PEX1: variants seen among roughly 807,000 people sequenced by gnomAD.
The protein encoded by PEX1 is peroxisomal biogenesis factor 1, also known as peroxisomal ATPase PEX1.
Under a neutral mutation model 152.5 loss-of-function variants are expected in PEX1, and 97 were observed. The observed-to-expected ratio is 0.64, with a 90% CI of 0.54 to 0.75. The LOEUF (loss-of-function observed/expected upper bound fraction) is 0.75, where lower values mean the gene tolerates loss of function less well. PEX1 is among the 30% of genes least tolerant of loss of function. The pLI is 0.00. For synonymous variants in PEX1, 485 were observed against 531.6 expected (o/e 0.91, Z 1.21); for missense variants, 1,357 against 1,516.3 (o/e 0.89, Z 1.74).
intron 2 of PEX1, among the ~76,000 whole-genome samples, chr7:92,519,518 C>T (rs960081004): frequency 1.3e-5 from 2 of 152,138 alleles, no homozygotes; most frequent in African/African-American, 4.8e-5. Flanking sequence ...CTCAGCATGA[C>T]ATGTTTTTCA....
At chr7:92,490,109 A>C in intron 21 of PEX1, 198 bp from the exon 22 acceptor site, 1 of 598,948 alleles carries the variant, frequency 1.7e-6, no homozygotes, top group South Asian at 2.0e-5. Flanking sequence ...TGTGTTATAG[A>C]ACCACCATCA....
At chr7:92,500,863 C>T (rs1562853004) in intron 15 of PEX1, among the ~76,000 whole-genome samples, 1 of 152,200 alleles carries the variant, frequency 6.6e-6, no homozygotes, top group Non-Finnish European at 1.5e-5. Flanking sequence ...CCTGCCAAGT[C>T]TGCTTTTCAA....
intron 1 of PEX1, 98 bp from the exon 2 acceptor site, chr7:92,522,343 G>T: frequency 8.6e-7 from 1 of 1,158,446 alleles, no homozygotes; most frequent in East Asian, 2.4e-5. Context: ...TGTCCAAAAA[G>T]AGTTCTATAG....
intron 12 of PEX1, among the ~76,000 whole-genome samples, chr7:92,503,589 C>T (rs908508783): frequency 6.6e-6 from 1 of 152,108 alleles, no homozygotes; most frequent in African/African-American, 2.4e-5. Flanking sequence ...CTATGACTTC[C>T]AGAACAATCT....
chr7:92,494,523 A>G lies in PEX1; in HGVS notation c.2890T>C (p.Leu964=), dbSNP rs1190784889. ...TCTACTCCATCCAACTGAGTCAGCAACTGGTTAACTACTCGGTCTGTAACT... is the reference window on the plus strand; with the variant it reads ...TCTACTCCATCCAACTGAGTCAGCAGCTGGTTAACTACTCGGTCTGTAACT... ...TGVTDRVVNQ[L]LTQLDGVEGL... Residue 964 remains leucine, a synonymous_variant, in exon 18 of 24, where the codon TTG becomes CTG. Coordinates refer to ENST00000248633, the MANE Select transcript of PEX1 (RefSeq NM_000466.3). The G allele has an allele frequency of 6.2e-7, 1 of 1,613,992 alleles. No individual in the cohort carries two copies. The highest frequency in any genetic ancestry group is 1.1e-5 in the South Asian group (1 of 91,082).
chr7:92,528,226 G>A, intron 1 of PEX1, 81 bp downstream of exon 1: 24 of 1,527,194 alleles, frequency 1.6e-5, no homozygotes, highest in Non-Finnish European at 2.1e-5. Context: ...GTGGCAGCCG[G>A]TGTCCCGCCG....
chr7:92,505,418 AAAAAAAAAAG>A (rs1209286315), intron 11 of PEX1, among the ~76,000 whole-genome samples: 1 of 150,982 alleles, frequency 6.6e-6, no homozygotes, highest in Non-Finnish European at 1.5e-5. Flanking sequence ...GTCTCAAAAA[AAAAAAAAAAG>A]AAAAAAGAAA....
chr7:92,513,755 G>T (rs1792590709), intron 6 of PEX1, 93 bp downstream of exon 6: 1 of 906,348 alleles, frequency 1.1e-6, no homozygotes, highest in Admixed American at 2.0e-5. Flanking sequence ...GTATCAAAAA[G>T]GAATACAACA....
In PEX1 at chr7:92,491,543, AATTTT is replaced by A. The variant is rs757598492; in HGVS notation, c.3208-46_3208-42del. 362 of 1,177,456 alleles carry A rather than the reference AATTTT, an allele frequency of 3.1e-4. 2 individuals carry two copies. In the African/African-American group the frequency reaches 4.8e-3, roughly 16 times the overall value. The allele number at this position is 1,177,456 out of a possible 1,614,324, so 72.9% of individuals were successfully genotyped here. On this transcript the variant is annotated intron_variant, in intron 20 of 23. Transcript: ENST00000248633. The stretch of plus-strand genomic sequence containing the variant: ...GGACAACCAGTTTAAAGATGTAAAC[AATTTT>A]AGTCTCAGAAATAAATAATAACATA...
chr7:92,507,128 T>G lies in PEX1; in HGVS notation c.1671-2A>C. ...GATACGCCTAAGGAATTCACTCCTCTGTAAAAAATATACATAGTTACATGA... is the reference window on the plus strand; with the variant it reads ...GATACGCCTAAGGAATTCACTCCTCGGTAAAAAATATACATAGTTACATGA... On this transcript the variant is annotated splice_acceptor_variant, in intron 9 of 23. Transcript: ENST00000248633. LOFTEE classifies it high-confidence loss of function. The G allele has an allele frequency of 6.2e-7, 1 of 1,613,126 alleles. No homozygotes were observed. Among genetic ancestry groups the G allele is most frequent in the Non-Finnish European group, 8.5e-7 (1 of 1,179,130 alleles).
intron 1 of PEX1, among the ~76,000 whole-genome samples, chr7:92,522,620 AT>A (rs1355428819): frequency 6.6e-6 from 1 of 152,218 alleles, no homozygotes; most frequent in Non-Finnish European, 1.5e-5. Flanking sequence ...TCTGTGCAGT[AT>A]TTTCTATGAT....
chr7:92,507,423 G>C, intron 9 of PEX1: 1 of 320,200 alleles, frequency 3.1e-6, no homozygotes, highest in Admixed American at 4.5e-5. Context: ...TTTTGTGTGT[G>C]CATTTGTTGT....
At position 92,504,134 on chromosome 7, in the gene PEX1, T is replaced by G. The variant is rs143468072; in HGVS notation, c.2071+598A>C. 8.8e-4 allele frequency among the ~76,000 whole-genome samples: 134 copies of G among 152,134 alleles called. 2 individuals carry two copies. The highest frequency in any genetic ancestry group is 3.1e-3 in the African/African-American group (127 of 41,524). On this transcript the variant is annotated intron_variant, in intron 12 of 23. Transcript: ENST00000248633. ...AAAAGCCTTCCCTGATAACTCCTTA[T>G]CCCACCTCACCCCCAGTTTAGGTTA...
At chr7:92,524,383 T>G (rs1442291227) in intron 1 of PEX1, among the ~76,000 whole-genome samples, 2 of 151,492 alleles carry the variant, frequency 1.3e-5, no homozygotes, top group Non-Finnish European at 2.9e-5. Flanking sequence ...TTCTCCTGCC[T>G]CAGCCTCCCA....
chr7:92,524,975 G>A (rs1342558338), intron 1 of PEX1, among the ~76,000 whole-genome samples: 1 of 152,086 alleles, frequency 6.6e-6, no homozygotes, highest in African/African-American at 2.4e-5. Flanking sequence ...ATCAAAAAAG[G>A]AAACTCTACC....
intron 12 of PEX1, 103 bp from the exon 13 acceptor site, chr7:92,503,298 G>A (rs993144769): frequency 2.1e-6 from 2 of 963,728 alleles, no homozygotes; most frequent in African/African-American, 3.2e-5. Flanking sequence ...TGACCTTTAA[G>A]GTGCAGTATG....
At chr7:92,509,494 C>A in intron 8 of PEX1, 83 bp from the exon 9 acceptor site, 1 of 903,538 alleles carries the variant, frequency 1.1e-6, no homozygotes, top group South Asian at 1.4e-5. Flanking sequence ...AACTAAATTG[C>A]TGATTCTGTT....
Position 92,487,307 on chromosome 7 carries a change from A to G in PEX1, c.*150T>C. 1.8e-6 allele frequency: 1 copy of G among 555,270 alleles called. No homozygotes were observed. The highest frequency in any genetic ancestry group is 2.4e-5 in the South Asian group (1 of 41,430). 34.4% of individuals were successfully genotyped at this position (555,270 alleles called of 1,614,324 possible). On this transcript the variant is annotated 3_prime_UTR_variant, in exon 24 of 24. Coordinates refer to ENST00000248633, the MANE Select transcript of PEX1 (RefSeq NM_000466.3). ...TATTAATCTCAATCCTGATCATTAC[A>G]TAATTATAGCATTTACCAATCTGTG...
Position 92,528,468 on chromosome 7 carries a change from C to G in PEX1, c.-33G>C. ...GAGCGTCGCTCTGGGTTCGCCCACC[C>G]TAGCGCCGCAAAGGACCCGGGACCC... On this transcript the variant is annotated 5_prime_UTR_variant, in exon 1 of 24. Transcript: ENST00000248633. The G allele has an allele frequency of 6.4e-7, 1 of 1,550,902 alleles. No homozygotes were observed. The highest frequency in any genetic ancestry group is 8.7e-7 in the Non-Finnish European group (1 of 1,149,618).
Sources: gnomAD v4.1 joint callset for allele counts (sites outside exome capture counted in the v4.1 genomes callset) on GRCh38, gnomAD v4.1.1 for gene constraint, MANE v1.5 for transcripts, NCBI Gene and HGNC (gene_info 2026-07-23, HGNC 2026-07-21) for gene names.